RIPOR2: variants seen among roughly 807,000 people sequenced by gnomAD.
RIPOR2 encodes RHO family interacting cell polarization regulator 2, also known as rho family-interacting cell polarization regulator 2.
Under a neutral mutation model 114.5 loss-of-function variants are expected in RIPOR2, and 39 were observed. That is an observed-to-expected ratio of 0.34 (90% CI 0.26 to 0.44). The LOEUF (loss-of-function observed/expected upper bound fraction) is 0.44. Ranked by LOEUF, RIPOR2 falls within the 20% of genes least tolerant of loss-of-function variation. RIPOR2 has a pLI of 1.00. For missense variants in RIPOR2, 1,007 were observed against 1,255.1 expected, an observed-to-expected ratio of 0.80 and a Z score of 2.99; for synonymous variants, 445 against 484.4, an observed-to-expected ratio of 0.92 and a Z score of 1.07.
intron 13 of RIPOR2, chr6:24,840,167 T>A (rs1287689225): frequency 1.0e-5 from 9 of 892,594 alleles, no homozygotes; most frequent in Middle Eastern, 5.7e-4. Context: ...ACCATACCGG[T>A]CTTGAACTCT....
chr6:24,830,248 G>A (rs1760558329), intron 17 of RIPOR2, among the ~76,000 whole-genome samples: 1 of 152,180 alleles, frequency 6.6e-6, no homozygotes, highest in Non-Finnish European at 1.5e-5. Flanking sequence ...TAACTGACGT[G>A]AGCCACTGCG....
intron 12 of RIPOR2, among the ~76,000 whole-genome samples, chr6:24,845,038 G>A (rs1323279359): frequency 6.6e-6 from 1 of 151,718 alleles, no homozygotes; most frequent in African/African-American, 2.4e-5. Flanking sequence ...CATGCAGTTC[G>A]TTGCACCCAA....
At chr6:25,022,531 CATTTTTTTTTTTTTTTT>C (rs1776375289) in intron 1 of RIPOR2, among the ~76,000 whole-genome samples, 2 of 64,512 alleles carry the variant, frequency 3.1e-5, no homozygotes, top group Non-Finnish European at 6.9e-5. Flanking sequence ...TGGTACCTTC[CATTTTTTTTTTTTTTTT>C]TTTTTTTTTT....
In RIPOR2 at chr6:24,913,926, G is replaced by A. The variant is rs189606095; in HGVS notation, c.61+21912C>T. Among the ~76,000 whole-genome samples the A allele has an allele frequency of 3.9e-3, 596 of 152,226 alleles. 3 individuals are homozygous for A. The highest frequency in any genetic ancestry group is 0.012 in the African/African-American group (485 of 41,520). ...GGTGGGTATCCTCACCCCCACCCAT[G>A]AGACACTTGCATTGCTCTTTCAGGC... On this transcript the variant is annotated intron_variant, in intron 1 of 21. Transcript: ENST00000643898.
In RIPOR2 at chr6:24,927,275, TCAC is replaced by T. The variant is rs749603328; in HGVS notation, c.61+8560_61+8562del. On this transcript the variant is annotated intron_variant, in intron 1 of 21. Transcript: ENST00000643898. ...ACCACCACCACCACCACAGCTACAA[TCAC>T]CACCACCACCACCACCACCACCACC... Among the ~76,000 whole-genome samples the T allele has an allele frequency of 5.1e-3, 13 of 2,550 alleles. 2 individuals carry two copies. Among genetic ancestry groups the T allele is most frequent in the South Asian group, 0.048 (8 of 168 alleles). 1.7% of individuals were successfully genotyped at this position (2,550 alleles called of 152,430 possible). A position where few individuals can be genotyped will look rare whatever the true frequency, so the allele number is the denominator to read the frequency against.
intron 17 of RIPOR2, among the ~76,000 whole-genome samples, chr6:24,828,593 G>A (rs1760396674): frequency 6.6e-6 from 1 of 152,100 alleles, no homozygotes; most frequent in South Asian, 2.1e-4. Context: ...GCACACCTGT[G>A]TAACTGCCAT....
At chr6:24,869,506 C>T (rs2747668) in intron 5 of RIPOR2, among the ~76,000 whole-genome samples, 61,498 of 151,664 alleles carry the variant, frequency 0.41, 13,085 homozygotes, top group African/African-American at 0.55. Context: ...TTAGTAGAGA[C>T]GGGGTTTCTC....
intron 1 of RIPOR2, among the ~76,000 whole-genome samples, chr6:24,952,295 C>T (rs1012619840): frequency 1.3e-5 from 2 of 152,202 alleles, no homozygotes; most frequent in African/African-American, 4.8e-5. Context: ...ATTATTCTTT[C>T]CTATCATCCA....
intron 1 of RIPOR2, among the ~76,000 whole-genome samples, chr6:24,927,216 CACT>C (rs1561782786): frequency 5.2e-4 from 1 of 1,922 alleles, no homozygotes; most frequent in African/African-American, 2.6e-3. Context: ...CCACCACCAC[CACT>C]ACCACCAGCA....
Position 24,865,337 on chromosome 6 carries a change from C to G in RIPOR2, c.615G>C (p.Leu205=). 1 of 1,613,520 alleles carries G rather than the reference C, an allele frequency of 6.2e-7. No homozygotes were observed. Among genetic ancestry groups the G allele is most frequent in the South Asian group, 1.1e-5 (1 of 90,938 alleles). ...SPASKAARES[L]TEINRSFKEY... ...CCTTGAAGCTCCGATTGATCTCTGT[C>G]AGACTCTCCCGGGCAGCTTTGCTGG... Residue 205 remains leucine (L), a synonymous_variant, in exon 7 of 22, where the codon CTG becomes CTC. Transcript: ENST00000643898.
intron 2 of RIPOR2, 75 bp downstream of exon 2, chr6:24,875,616 A>G (rs1765655704): frequency 6.8e-6 from 10 of 1,477,496 alleles, no homozygotes; most frequent in Non-Finnish European, 9.2e-6. Flanking sequence ...CTGAATGCAC[A>G]CAGACCCTCT....
chr6:24,946,611 T>C (rs895487583), intron 1 of RIPOR2, among the ~76,000 whole-genome samples: 2 of 152,156 alleles, frequency 1.3e-5, no homozygotes, highest in South Asian at 4.1e-4. Flanking sequence ...TAAAGACTAC[T>C]GGTGCAGATC....
At chr6:24,986,607 G>C (rs1044689272) in intron 1 of RIPOR2, among the ~76,000 whole-genome samples, 1 of 152,050 alleles carries the variant, frequency 6.6e-6, no homozygotes, top group Non-Finnish European at 1.5e-5. Flanking sequence ...AAATGTAGTT[G>C]TCCTGCTGTG....
chr6:24,888,910 CTTTG>C (rs765150238), intron 1 of RIPOR2, among the ~76,000 whole-genome samples: 9 of 152,154 alleles, frequency 5.9e-5, no homozygotes, highest in Admixed American at 3.9e-4. Flanking sequence ...TGATCACGGC[CTTTG>C]TTTGAGCTAG....
chr6:24,872,877 C>T lies in RIPOR2; in HGVS notation c.423+4G>A. Reference sequence around the variant, plus strand: ...TAACATCATAATGACTGCATAGTACCTACCAGGCGAGAGTTTCTTTTCATA... The same window carrying T: ...TAACATCATAATGACTGCATAGTACTTACCAGGCGAGAGTTTCTTTTCATA... On this transcript the variant is annotated splice_donor_region_variant and intron_variant, in intron 4 of 21. Transcript: ENST00000643898. 1.9e-6 allele frequency: 3 copies of T among 1,593,436 alleles called. No homozygotes were observed. The highest frequency in any genetic ancestry group is 2.6e-6 in the Non-Finnish European group (3 of 1,162,612).
chr6:24,957,446 C>G (rs763664768), intron 1 of RIPOR2, among the ~76,000 whole-genome samples: 6 of 152,104 alleles, frequency 3.9e-5, no homozygotes, highest in Non-Finnish European at 8.8e-5. Context: ...ACTGGCAATT[C>G]CAATGTTATG....
rs543479446 is a variant in RIPOR2 at position 24,989,487 on chromosome 6, G to A, written c.76+52364C>T. ...TTTTTTTGTATTTTTAGTAGAGATA[G>A]GGTTTCACCATGTTGTCCAGGGTGG... On this transcript the variant is annotated intron_variant, in intron 1 of 13. Coordinates refer to the RIPOR2 transcript ENST00000510784. Among the ~76,000 whole-genome samples, 3 of 151,658 alleles carry A rather than the reference G, an allele frequency of 2.0e-5. No individual in the cohort carries two copies. The South Asian group carries it at 6.3e-4, about 32-fold the overall frequency.
intron 1 of RIPOR2, among the ~76,000 whole-genome samples, chr6:24,887,255 G>C (rs755746820): frequency 6.6e-6 from 1 of 152,282 alleles, no homozygotes. Flanking sequence ...CCCACCGTGA[G>C]AGGGGGTACC....
intron 1 of RIPOR2, among the ~76,000 whole-genome samples, chr6:24,941,220 G>T (rs35398163): frequency 6.6e-6 from 1 of 152,018 alleles, no homozygotes; most frequent in Non-Finnish European, 1.5e-5. Context: ...GTAATTGCCC[G>T]CTGAGGGAAT....
Sources: gnomAD v4.1 joint callset for allele counts (sites outside exome capture counted in the v4.1 genomes callset) on GRCh38, gnomAD v4.1.1 for gene constraint, MANE v1.5 for transcripts, NCBI Gene and HGNC (gene_info 2026-07-23, HGNC 2026-07-21) for gene names.